The following SNX18 variants were observed in gnomAD, a reference collection of about 807,000 sequenced individuals.
SNX18 encodes the protein sorting nexin-18.
SNX18 carries 35 observed loss-of-function variants against 48.7 expected under a neutral mutation model. The ratio of observed to expected loss-of-function variants is 0.72; its 90% CI spans 0.55 to 0.95. The LOEUF (loss-of-function observed/expected upper bound fraction) is 0.95. Among genes scored for constraint, SNX18 ranks in the 40% least tolerant of loss-of-function variants. The probability of loss-of-function intolerance (pLI) is 0.00; values close to 1 mark genes in which losing one functional copy is unlikely to be tolerated. For synonymous variants in SNX18, 492 were observed against 384.7 expected (o/e 1.28, Z -3.26); for missense variants, 824 against 871.0 (o/e 0.95, Z 0.68).
intron 1 of SNX18, among the ~76,000 whole-genome samples, chr5:54,523,163 A>AT (rs959406696): frequency 3.3e-5 from 5 of 149,904 alleles, no homozygotes; most frequent in African/African-American, 9.8e-5. Flanking sequence ...TGTGGTCTTG[A>AT]TTTTTTTTTT....
At chr5:54,565,447 C>G in the SNX18 span, among the ~76,000 whole-genome samples, 1 of 152,056 alleles carries the variant, frequency 6.6e-6, no homozygotes, top group Non-Finnish European at 1.5e-5. Flanking sequence ...GTGGCATGCA[C>G]CTATAGTCCC....
Position 54,536,678 on chromosome 5 carries a change from C to T in SNX18, c.1622-6501C>T, listed in dbSNP as rs552559785. On this transcript the variant is annotated intron_variant, in intron 1 of 1. Transcript: ENST00000381410. ...AAGTCTTTGCTGTTGTGAACAGTGC[C>T]GCAATAAACATACGTGTGTATGTGT... Among the ~76,000 whole-genome samples, 232 of 152,178 alleles carry T rather than the reference C, an allele frequency of 1.5e-3. 3 individuals are homozygous for T. Among genetic ancestry groups the T allele is most frequent in the African/African-American group, 5.3e-3 (218 of 41,490 alleles).
chr5:54,550,295 C>A (rs1762630661), downstream of SNX18, among the ~76,000 whole-genome samples: 1 of 152,118 alleles, frequency 6.6e-6, no homozygotes, highest in African/African-American at 2.4e-5. Flanking sequence ...AAGGAGCTTT[C>A]TTCACAAATG....
the SNX18 span, among the ~76,000 whole-genome samples, chr5:54,608,534 C>T: frequency 6.6e-6 from 1 of 152,182 alleles, no homozygotes; most frequent in South Asian, 2.1e-4. Context: ...CCACACCCAG[C>T]CGCCATGCTT....
chr5:54,608,196 T>C, the SNX18 span, among the ~76,000 whole-genome samples: 1 of 152,166 alleles, frequency 6.6e-6, no homozygotes, highest in Non-Finnish European at 1.5e-5. Flanking sequence ...GGTCACTATC[T>C]TTTTCTTTAG....
the SNX18 span, among the ~76,000 whole-genome samples, chr5:54,603,275 C>G: frequency 6.6e-6 from 1 of 151,400 alleles, no homozygotes; most frequent in East Asian, 1.9e-4. Flanking sequence ...GGCTATCACT[C>G]TGTCACCCAG....
chr5:54,631,407 T>C, the SNX18 span, among the ~76,000 whole-genome samples: 4 of 152,390 alleles, frequency 2.6e-5, no homozygotes, highest in Admixed American at 2.0e-4. Context: ...GTTTAGCTTA[T>C]ATCATTATAA....
intron 1 of SNX18, among the ~76,000 whole-genome samples, chr5:54,522,619 A>T (rs533316962): frequency 9.8e-5 from 15 of 152,296 alleles, no homozygotes; most frequent in Admixed American, 9.8e-4. Context: ...TGAATTTCCC[A>T]AGCACTCAAC....
chr5:54,588,306 C>CTTTAT, the SNX18 span, among the ~76,000 whole-genome samples: 2 of 73,918 alleles, frequency 2.7e-5, no homozygotes, highest in South Asian at 5.2e-4. Context: ...TATTTCTATT[C>CTTTAT]TTTTTTTTTT....
chr5:54,638,060 G>C, the SNX18 span, among the ~76,000 whole-genome samples: 11 of 152,116 alleles, frequency 7.2e-5, no homozygotes, highest in Non-Finnish European at 1.5e-4. Context: ...TCATGTAATT[G>C]TTCAGTAGTC....
chr5:54,607,060 G>A, the SNX18 span, among the ~76,000 whole-genome samples: 1 of 152,182 alleles, frequency 6.6e-6, no homozygotes, highest in African/African-American at 2.4e-5. Flanking sequence ...ATAAATGGAT[G>A]CATACAGTAT....
the SNX18 span, among the ~76,000 whole-genome samples, chr5:54,560,512 T>C: frequency 6.6e-6 from 1 of 152,046 alleles, no homozygotes; most frequent in African/African-American, 2.4e-5. Context: ...TCAGGAAAAA[T>C]AACTAATGGG....
intron 1 of SNX18, among the ~76,000 whole-genome samples, chr5:54,521,445 T>C (rs1175961751): frequency 3.3e-5 from 5 of 152,190 alleles, no homozygotes; most frequent in Admixed American, 2.6e-4. Context: ...ACGCCTGTAA[T>C]CCCAGCATTT....
chr5:54,587,586 G>A, the SNX18 span, among the ~76,000 whole-genome samples: 3 of 152,022 alleles, frequency 2.0e-5, no homozygotes, highest in African/African-American at 2.4e-5. Context: ...ACCTGCACAC[G>A]GCATGCACTC....
At chr5:54,641,231 TG>T in the SNX18 span, among the ~76,000 whole-genome samples, 1 of 152,206 alleles carries the variant, frequency 6.6e-6, no homozygotes, top group African/African-American at 2.4e-5. Flanking sequence ...GTGTGACCTG[TG>T]CACCACCCAC....
At chr5:54,644,741 G>A in the SNX18 span, 1 of 152,252 alleles carries the variant, frequency 6.6e-6, no homozygotes, top group Non-Finnish European at 1.5e-5. Context: ...GGCTAGAGTA[G>A]CAGCTGCTAT....
chr5:54,588,306 C>CTTTTTTTTTTTTTTTTTTTTTTT, the SNX18 span, among the ~76,000 whole-genome samples: 9 of 73,918 alleles, frequency 1.2e-4, 1 homozygote, highest in Non-Finnish European at 1.5e-4. Flanking sequence ...TATTTCTATT[C>CTTTTTTTTTTTTTTTTTTTTTTT]TTTTTTTTTT....
chr5:54,610,740 T>C, the SNX18 span, among the ~76,000 whole-genome samples: 7 of 152,182 alleles, frequency 4.6e-5, no homozygotes, highest in South Asian at 2.1e-4. Context: ...TTTCACATCC[T>C]GTTGTGGTGT....
At chr5:54,630,854 A>C in the SNX18 span, among the ~76,000 whole-genome samples, 1 of 146,824 alleles carries the variant, frequency 6.8e-6, no homozygotes, top group East Asian at 2.0e-4. Flanking sequence ...AAAAAAAGAG[A>C]CCTCATGGAA....
Sources: allele counts gnomAD v4.1 joint callset (sites outside exome capture counted in the v4.1 genomes callset), GRCh38; gene constraint gnomAD v4.1.1; transcripts MANE v1.5; gene names NCBI Gene and HGNC (gene_info 2026-07-23, HGNC 2026-07-21).